The following LY6K variants were observed in gnomAD, a reference collection of about 807,000 sequenced individuals.
LY6K encodes lymphocyte antigen 6 family member K.
A neutral mutation model predicts 10.4 loss-of-function variants in LY6K; 9 were observed. The ratio of observed to expected loss-of-function variants is 0.87; its 90% CI spans 0.52 to 1.52. The LOEUF (loss-of-function observed/expected upper bound fraction) is 1.52, where lower values mean the gene tolerates loss of function less well. Ranked by LOEUF, LY6K falls within the 40% of genes most tolerant of loss-of-function variation. The probability of loss-of-function intolerance (pLI) is 0.00; values close to 1 mark genes in which losing one functional copy is unlikely to be tolerated. For missense variants in LY6K, 217 were observed against 211.7 expected, an observed-to-expected ratio of 1.02 and a Z score of -0.15; for synonymous variants, 98 against 83.7, an observed-to-expected ratio of 1.17 and a Z score of -0.94.
intron 2 of LY6K, 38 bp from the exon 3 acceptor site, chr8:142,703,053 T>C: frequency 6.2e-7 from 1 of 1,610,104 alleles, no homozygotes; most frequent in Non-Finnish European, 8.5e-7. Context: ...GCATTGGAAT[T>C]GCGTGATTGC....
In LY6K at chr8:142,700,320, C is replaced by G. The variant is rs781807514; in HGVS notation, c.-208C>G. The G allele has an allele frequency of 1.0e-5, 13 of 1,299,072 alleles. No individual in the cohort carries two copies. Among genetic ancestry groups the G allele is most frequent in the Admixed American group, 4.2e-5 (1 of 23,834 alleles). 80.5% of individuals were successfully genotyped at this position (1,299,072 alleles called of 1,614,324 possible). A position where few individuals can be genotyped will look rare whatever the true frequency, so the allele number is the denominator to read the frequency against. On this transcript the variant is annotated 5_prime_UTR_variant, in exon 1 of 3. Transcript: ENST00000292430. ...AGCACAAGGCGGGACTCAGAACCGG[C>G]GTTCAGGGCCGCCAGCGGCCGCGAG...
Position 142,703,205 on chromosome 8 carries a change from T to C in LY6K, c.332T>C (p.Phe111Ser). 1 of 1,614,202 alleles carries C rather than the reference T, an allele frequency of 6.2e-7. No homozygotes were observed. Among genetic ancestry groups the C allele is most frequent in the Non-Finnish European group, 8.5e-7 (1 of 1,180,026 alleles). The change falls in exon 3 of 3, where the codon TTT becomes TCT. Residue 111 changes from phenylalanine to serine, a missense_variant. Coordinates refer to ENST00000292430, the MANE Select transcript of LY6K (RefSeq NM_017527.4). Reference protein sequence around the residue: ...RFLLEEPMPFFYLKCCKIRYC... With the variant: ...RFLLEEPMPFSYLKCCKIRYC... The stretch of plus-strand genomic sequence containing the variant: ...CTCCTGGAAGAGCCCATGCCCTTCT[T>C]TTACCTCAAGTGTTGTAAAATTCGC...
intron 2 of LY6K, 57 bp downstream of exon 2, chr8:142,701,770 G>T: frequency 9.0e-7 from 1 of 1,115,718 alleles, no homozygotes; most frequent in South Asian, 1.3e-5. Flanking sequence ...GGGCTTTCAG[G>T]AATCAGGGCT....
chr8:142,700,739 T>C, intron 1 of LY6K, 109 bp downstream of exon 1: 1 of 1,180,514 alleles, frequency 8.5e-7, no homozygotes, highest in South Asian at 2.3e-5. Flanking sequence ...AACGGAGCGT[T>C]CAGGCGGCCC....
rs1815038130 is a variant in LY6K at position 142,701,643 on chromosome 8, A to G, written c.147A>G (p.Glu49=). 6.2e-7 allele frequency: 1 copy of G among 1,613,846 alleles called. No homozygotes were observed. Among genetic ancestry groups the G allele is most frequent in the African/African-American group, 1.3e-5 (1 of 74,882 alleles). ...TGTGGTGTCATGTTTGTGAGAGAGA[A>G]AACACTTTCGAGTGCCAGAACCCAA... ...NRVWCHVCER[E]NTFECQNPRR... Residue 49 remains glutamate (E), a synonymous_variant, in exon 2 of 3, where the codon GAA becomes GAG. Coordinates refer to ENST00000292430, the MANE Select transcript of LY6K (RefSeq NM_017527.4).
At chr8:142,703,000 C>G (rs1554640402) in intron 2 of LY6K, 91 bp from the exon 3 acceptor site, 1 of 1,577,080 alleles carries the variant, frequency 6.3e-7, no homozygotes, top group Admixed American at 1.8e-5. Flanking sequence ...GCAGGGCCGC[C>G]AGGGGTGAGG....
At position 142,700,425 on chromosome 8, in the gene LY6K, C is replaced by A. The variant is rs1184444315; in HGVS notation, c.-103C>A. 9 of 1,394,594 alleles carry A rather than the reference C, an allele frequency of 6.5e-6. No homozygotes were observed. The highest frequency in any genetic ancestry group is 8.4e-6 in the Non-Finnish European group (9 of 1,075,574). The allele number at this position is 1,394,594 out of a possible 1,614,324, so 86.4% of individuals were successfully genotyped here. On this transcript the variant is annotated 5_prime_UTR_variant, in exon 1 of 3. Transcript: ENST00000292430. ...CGCCCCGGGGCGGGCGGGGCTCCCC[C>A]TACCGGCCAGACCCGGGGAGAGGCG... is the stretch of plus-strand genomic sequence containing the variant.
At chr8:142,702,160 G>T (rs141820294) in intron 2 of LY6K, 137 of 356,384 alleles carry the variant, frequency 3.8e-4, no homozygotes, top group Admixed American at 1.3e-4. Context: ...CCAGAGAGAG[G>T]TGTAGGAACT....
chr8:142,701,290 AAAG>A (rs1239492969), intron 1 of LY6K, among the ~76,000 whole-genome samples: 1 of 152,230 alleles, frequency 6.6e-6, no homozygotes, highest in East Asian at 1.9e-4. Flanking sequence ...GGCAATTTAT[AAAG>A]AAGAGAGGTG....
rs781812524 is a variant in LY6K, at chr8:142,700,570, G to A, written c.43G>A (p.Val15Met). The change falls in exon 1 of 3, where the codon GTG (valine) becomes ATG (methionine). Residue 15 changes from valine (V) to methionine (M), a missense_variant. Coordinates refer to ENST00000292430, the MANE Select transcript of LY6K (RefSeq NM_017527.4). ...GCTGCTGGTCGTGGCCCTACCGCGG[G>A]TGTGGACAGACGCCAACCTGACTGC... Reference protein sequence around the residue: ...ALLLVVALPRVWTDANLTARQ... With the variant: ...ALLLVVALPRMWTDANLTARQ... 2.5e-6 allele frequency: 4 copies of A among 1,587,354 alleles called. No individual in the cohort carries two copies. The highest frequency in any genetic ancestry group is 1.1e-5 in the South Asian group (1 of 87,540).
In LY6K at chr8:142,700,341, G is replaced by A. The variant is rs1814950039; in HGVS notation, c.-187G>A. The A allele has an allele frequency of 7.6e-7, 1 of 1,307,954 alleles. No individual in the cohort carries two copies. Among genetic ancestry groups the A allele is most frequent in the South Asian group, 2.0e-5 (1 of 49,692 alleles). The allele number at this position is 1,307,954 out of a possible 1,614,324, so 81.0% of individuals were successfully genotyped here. A position where few individuals can be genotyped will look rare whatever the true frequency, so the allele number is the denominator to read the frequency against. On this transcript the variant is annotated 5_prime_UTR_variant, in exon 1 of 3. Coordinates refer to ENST00000292430, the MANE Select transcript of LY6K (RefSeq NM_017527.4). ...CCGGCGTTCAGGGCCGCCAGCGGCC[G>A]CGAGGCCCTGAGATGAGGCTCCAAA...
In LY6K at chr8:142,704,873, C is replaced by T. The variant is rs1554640703; in HGVS notation, c.*1502C>T. Reference sequence around the variant, plus strand: ...CGCTTTTCTCTTATCTGCAGCTGAGCTGGGAGAAAGTTTTGGCACCCACCG... The same window carrying T: ...CGCTTTTCTCTTATCTGCAGCTGAGTTGGGAGAAAGTTTTGGCACCCACCG... On this transcript the variant is annotated 3_prime_UTR_variant, in exon 3 of 3. Transcript: ENST00000292430. 1 of 152,148 alleles carries T rather than the reference C, an allele frequency of 6.6e-6. No homozygotes were observed. The highest frequency in any genetic ancestry group is 1.9e-4 in the East Asian group (1 of 5,198). 9.4% of individuals were successfully genotyped at this position (152,148 alleles called of 1,614,324 possible).
At chr8:142,702,613 A>C in intron 2 of LY6K, 1 of 1,534,854 alleles carries the variant, frequency 6.5e-7, no homozygotes, top group Non-Finnish European at 8.7e-7. Context: ...AGTGTGGCCC[A>C]CATCGACTTT....
chr8:142,700,935 T>C (rs1347730308), intron 1 of LY6K, among the ~76,000 whole-genome samples: 1 of 151,496 alleles, frequency 6.6e-6, no homozygotes, highest in Non-Finnish European at 1.5e-5. Context: ...CCGTTCAAGC[T>C]GCGGGAGGAG....
In LY6K at chr8:142,700,630, G is replaced by C; in HGVS notation, c.103G>C (p.Asp35His). The stretch of plus-strand genomic sequence containing the variant: ...AGATCCAGAGGACTCCCAGCGAACG[G>C]GTGAGCCTGGCTCGCCCTCCACAGC... ...QRDPEDSQRT[D>H]EGDNRVWCHV... The change falls in exon 1 of 3, where the codon GAC becomes CAC. Residue 35 changes from aspartate to histidine, a missense_variant and splice_region_variant. Physicochemically the swap from Asp to His is moderately conservative, Grantham distance 81. Coordinates refer to ENST00000292430, the MANE Select transcript of LY6K (RefSeq NM_017527.4). The C allele has an allele frequency of 6.5e-7, 1 of 1,534,464 alleles. No homozygotes were observed. Among genetic ancestry groups the C allele is most frequent in the Non-Finnish European group, 8.8e-7 (1 of 1,140,894 alleles).
At chr8:142,702,977 T>C in intron 2 of LY6K, 114 bp from the exon 3 acceptor site, 5 of 1,557,986 alleles carry the variant, frequency 3.2e-6, no homozygotes, top group Non-Finnish European at 4.3e-6. Context: ...CCCAGTTGAC[T>C]GTGCACCTTT....
chr8:142,703,174 C>T lies in LY6K; in HGVS notation c.301C>T (p.Arg101Trp), dbSNP rs151035945. The T allele has an allele frequency of 7.6e-5, 122 of 1,614,212 alleles. No individual in the cohort carries two copies. The highest frequency in any genetic ancestry group is 1.7e-4 in the Middle Eastern group (1 of 6,058). ...AMERPKPEEK[R>W]FLLEEPMPFF... The stretch of plus-strand genomic sequence containing the variant: ...GGAGAGACCCAAGCCAGAGGAGAAG[C>T]GGTTTCTCCTGGAAGAGCCCATGCC... Residue 101 changes from arginine to tryptophan, a missense_variant, in exon 3 of 3, where the codon CGG becomes TGG. By Grantham distance (101) the Arg-to-Trp change is moderately radical (BLOSUM62 -3). Transcript: ENST00000292430.
intron 1 of LY6K, 150 bp from the exon 2 acceptor site, chr8:142,701,450 C>T (rs1368575314): frequency 8.0e-6 from 5 of 627,698 alleles, no homozygotes; most frequent in East Asian, 2.8e-5. Flanking sequence ...TCTCCCCATG[C>T]GGCTCACTCG....
Position 142,703,370 on chromosome 8 carries a change from G to C in LY6K, c.497G>C (p.Ter166SerextTer35). ...ATTGCAGCCGGCCTCAGCCTGTCTT[G>C]AGCCACGGGACTGCCACAGACTGAG... ...ASIAAGLSLS[*>S] The change falls in exon 3 of 3, where the codon TGA becomes TCA. Residue 166 changes from the stop codon to serine, a stop_lost. Coordinates refer to ENST00000292430, the MANE Select transcript of LY6K (RefSeq NM_017527.4). The C allele has an allele frequency of 3.7e-6, 6 of 1,608,038 alleles. No homozygotes were observed. Among genetic ancestry groups the C allele is most frequent in the Non-Finnish European group, 5.1e-6 (6 of 1,177,732 alleles).
Sources: gnomAD v4.1 joint callset for allele counts (sites outside exome capture counted in the v4.1 genomes callset) on GRCh38, gnomAD v4.1.1 for gene constraint, MANE v1.5 for transcripts, NCBI Gene and HGNC (gene_info 2026-07-23, HGNC 2026-07-21) for gene names.